HDAC9: variants seen among roughly 807,000 people sequenced by gnomAD.
The protein encoded by HDAC9 is MEF-2 interacting transcription repressor (MITR) protein.
A neutral mutation model predicts 139.4 loss-of-function variants in HDAC9; 41 were observed. That is an observed-to-expected ratio of 0.29 (90% CI 0.23 to 0.38). HDAC9 has a LOEUF of 0.38. HDAC9 is among the 10% of genes least tolerant of loss of function. HDAC9 has a pLI of 1.00. For synonymous variants in HDAC9, 517 were observed against 476.2 expected, an observed-to-expected ratio of 1.09 and a Z score of -1.12; for missense variants, 1,147 against 1,297.0, an observed-to-expected ratio of 0.88 and a Z score of 1.78.
chr7:18,835,886 CT>C lies in HDAC9; in HGVS notation c.2587-11del. The C allele has an allele frequency of 6.5e-7, 1 of 1,528,956 alleles. No individual in the cohort carries two copies. Among genetic ancestry groups the C allele is most frequent in the Non-Finnish European group, 8.9e-7 (1 of 1,127,648 alleles). 94.7% of individuals were successfully genotyped at this position (1,528,956 alleles called of 1,614,324 possible). A position where few individuals can be genotyped will look rare whatever the true frequency, so the allele number is the denominator to read the frequency against. Reference sequence around the variant, plus strand: ...CTCTTCTCTGCCCACCGTGGTGTGTCTTTCTCTTCCCAGGTTGGAACAGGCC... The same window carrying C: ...CTCTTCTCTGCCCACCGTGGTGTGTCTTCTCTTCCCAGGTTGGAACAGGCC... On this transcript the variant is annotated splice_polypyrimidine_tract_variant and intron_variant, in intron 20 of 25. Transcript: ENST00000686413.
chr7:18,998,730 A>C lies in HDAC9; in HGVS notation c.*2668A>C, dbSNP rs1378022187. 2.0e-5 allele frequency: 3 copies of C among 152,234 alleles called. No homozygotes were observed. Among genetic ancestry groups the C allele is most frequent in the Non-Finnish European group, 4.4e-5 (3 of 68,042 alleles). The allele number at this position is 152,234 out of a possible 1,614,324, so 9.4% of individuals were successfully genotyped here. A position where few individuals can be genotyped will look rare whatever the true frequency, so the allele number is the denominator to read the frequency against. On this transcript the variant is annotated 3_prime_UTR_variant, in exon 26 of 26. Transcript: ENST00000686413. The stretch of plus-strand genomic sequence containing the variant: ...CTGAATGAGAGGCTAGAAGAGTATT[A>C]TCAATTTTGCATCTCCTTGTGATAC...
intron 16 of HDAC9, among the ~76,000 whole-genome samples, chr7:18,769,535 T>A (rs1369100315): frequency 1.4e-5 from 2 of 142,234 alleles, no homozygotes; most frequent in Non-Finnish European, 3.2e-5. Context: ...GATGCTTATG[T>A]AGGTCAGGGT....
At chr7:18,552,119 A>G (rs1028662867) in intron 2 of HDAC9, among the ~76,000 whole-genome samples, 8 of 152,176 alleles carry the variant, frequency 5.3e-5, no homozygotes, top group African/African-American at 1.9e-4. Context: ...TTCATTTCAA[A>G]CTGTGACAAA....
In HDAC9 at chr7:18,757,518, A is replaced by G. The variant is rs116850592; in HGVS notation, c.2044-4639A>G. Among the ~76,000 whole-genome samples, 788 of 152,270 alleles carry G rather than the reference A, an allele frequency of 5.2e-3. 5 individuals are homozygous for G. Among genetic ancestry groups the G allele is most frequent in the Admixed American group, 8.3e-3 (127 of 15,274 alleles). On this transcript the variant is annotated intron_variant, in intron 14 of 25. Transcript: ENST00000686413. ...CCATCTGTTCTGCTAAATTATTTCTAGTTCCCTAACCAAAGGCACTGCTTT... is the reference window on the plus strand; with the variant it reads ...CCATCTGTTCTGCTAAATTATTTCTGGTTCCCTAACCAAAGGCACTGCTTT...
At chr7:18,698,329 T>A (rs1783207208) in intron 12 of HDAC9, among the ~76,000 whole-genome samples, 1 of 152,198 alleles carries the variant, frequency 6.6e-6, no homozygotes, top group African/African-American at 2.4e-5. Context: ...TGAGATCAGT[T>A]CTGTTTCCTC....
At position 18,827,331 on chromosome 7, in the gene HDAC9, T is replaced by C. The variant is rs73312677; in HGVS notation, c.2323-1830T>C. Among the ~76,000 whole-genome samples the C allele has an allele frequency of 7.9e-3, 1,208 of 152,232 alleles. 22 individuals are homozygous for C. The highest frequency in any genetic ancestry group is 0.027 in the African/African-American group (1,120 of 41,556). ...TCTTTTACATAATTGCTTGTGTACA[T>C]AGTTAATGGCACCCTTAAGGCAGAA... On this transcript the variant is annotated intron_variant, in intron 17 of 25. Transcript: ENST00000686413.
chr7:18,337,514 G>T (rs902741983), intron 1 of HDAC9, among the ~76,000 whole-genome samples: 3 of 151,648 alleles, frequency 2.0e-5, no homozygotes, highest in Non-Finnish European at 4.4e-5. Context: ...TGTAATGAAT[G>T]TTTTTTACAT....
intron 8 of HDAC9, among the ~76,000 whole-genome samples, chr7:18,640,835 A>AT (rs1260362719): frequency 6.6e-6 from 1 of 151,996 alleles, no homozygotes; most frequent in African/African-American, 2.4e-5. Context: ...CCGCGTACTG[A>AT]TGCCCCGAGG....
chr7:18,756,519 T>C (rs1366429467), intron 14 of HDAC9, among the ~76,000 whole-genome samples: 1 of 152,238 alleles, frequency 6.6e-6, no homozygotes, highest in Non-Finnish European at 1.5e-5. Context: ...TAATTTATCA[T>C]TGCAATTATT....
At chr7:18,142,509 A>ATGGAGACAT (rs1785979453) in intron 1 of HDAC9, among the ~76,000 whole-genome samples, 1 of 152,236 alleles carries the variant, frequency 6.6e-6, no homozygotes, top group African/African-American at 2.4e-5. Context: ...TTCTGTTGTT[A>ATGGAGACAT]CTGGGATGAA....
At chr7:18,806,180 A>G (rs1585069736) in intron 17 of HDAC9, among the ~76,000 whole-genome samples, 1 of 152,168 alleles carries the variant, frequency 6.6e-6, no homozygotes, top group Non-Finnish European at 1.5e-5. Flanking sequence ...TCCCACTTCC[A>G]TTTCACCCCA....
At chr7:18,700,516 G>A (rs4721720) in intron 12 of HDAC9, among the ~76,000 whole-genome samples, 22,599 of 152,226 alleles carry the variant, frequency 0.15, 1,752 homozygotes, top group East Asian at 0.21. Flanking sequence ...GTCACTCTGA[G>A]CCTTTGCTAG....
intron 2 of HDAC9, among the ~76,000 whole-genome samples, chr7:18,511,754 A>G (rs960775103): frequency 3.4e-4 from 51 of 152,180 alleles, no homozygotes; most frequent in African/African-American, 1.2e-3. Context: ...CACCAGTCAT[A>G]TATATGAGAC....
intron 1 of HDAC9, among the ~76,000 whole-genome samples, chr7:18,295,720 G>A (rs556131633): frequency 1.3e-5 from 2 of 152,084 alleles, no homozygotes; most frequent in African/African-American, 4.8e-5. Flanking sequence ...AACCATTTGC[G>A]TAGACCAGTA....
chr7:18,296,349 C>G (rs926454964), intron 1 of HDAC9, among the ~76,000 whole-genome samples: 1 of 151,928 alleles, frequency 6.6e-6, no homozygotes, highest in African/African-American at 2.4e-5. Flanking sequence ...TTCTTTAAAC[C>G]TGTAAAGATC....
At chr7:18,537,512 A>G (rs1811286105) in intron 2 of HDAC9, among the ~76,000 whole-genome samples, 1 of 152,192 alleles carries the variant, frequency 6.6e-6, no homozygotes, top group South Asian at 2.1e-4. Context: ...ATAAATAGGG[A>G]TCAAAAGCAG....
chr7:18,263,004 A>T (rs994788803), intron 2 of HDAC9, among the ~76,000 whole-genome samples: 2 of 152,214 alleles, frequency 1.3e-5, no homozygotes, highest in Non-Finnish European at 2.9e-5. Context: ...ATCCTACCTT[A>T]TGAGTAATTT....
chr7:18,651,775 G>T (rs922726655), intron 11 of HDAC9, among the ~76,000 whole-genome samples: 52 of 151,994 alleles, frequency 3.4e-4, no homozygotes, highest in African/African-American at 1.2e-3. Flanking sequence ...ATATTTGTGG[G>T]ATAGTTGTGT....
intron 22 of HDAC9, among the ~76,000 whole-genome samples, chr7:18,891,503 A>G (rs1283997448): frequency 6.6e-6 from 1 of 152,184 alleles, no homozygotes; most frequent in Admixed American, 6.5e-5. Flanking sequence ...GCAATTAGGA[A>G]GAACCACTGC....
Sources: gnomAD v4.1 joint callset for allele counts (sites outside exome capture counted in the v4.1 genomes callset) on GRCh38, gnomAD v4.1.1 for gene constraint, MANE v1.5 for transcripts, NCBI Gene and HGNC (gene_info 2026-07-23, HGNC 2026-07-21) for gene names.